CCBE1: variants seen among roughly 807,000 people sequenced by gnomAD.
CCBE1 encodes collagen and calcium-binding EGF domain-containing protein 1.
Under a neutral mutation model 50.0 loss-of-function variants are expected in CCBE1, and 37 were observed. The observed-to-expected ratio is 0.74, with a 90% CI of 0.57 to 0.97. The LOEUF (loss-of-function observed/expected upper bound fraction) is 0.97, where lower values mean the gene tolerates loss of function less well. Among genes scored for constraint, CCBE1 ranks in the 50% least tolerant of loss-of-function variants. The probability of loss-of-function intolerance (pLI) is 0.00; values close to 1 mark genes in which losing one functional copy is unlikely to be tolerated. For synonymous variants in CCBE1, 234 were observed against 203.7 expected, an observed-to-expected ratio of 1.15 and a Z score of -1.27; for missense variants, 538 against 523.8, an observed-to-expected ratio of 1.03 and a Z score of -0.26.
chr18:59,498,548 AAGAG>A (rs2143829039), intron 2 of CCBE1, among the ~76,000 whole-genome samples: 1 of 152,344 alleles, frequency 6.6e-6, no homozygotes, highest in East Asian at 1.9e-4. Flanking sequence ...GGTAACCTTA[AAGAG>A]TTAGAGCTTG....
At chr18:59,477,902 A>C (rs652858) in intron 3 of CCBE1, among the ~76,000 whole-genome samples, 1 of 152,028 alleles carries the variant, frequency 6.6e-6, no homozygotes, top group African/African-American at 2.4e-5. Context: ...ATTTTTTGTG[A>C]CACCTTGGCT....
At chr18:59,693,904 GCT>G (rs1198489837) in intron 2 of CCBE1, among the ~76,000 whole-genome samples, 1 of 96,666 alleles carries the variant, frequency 1.0e-5, no homozygotes, top group Non-Finnish European at 1.8e-5. Flanking sequence ...ACAGAGTCTT[GCT>G]CTGTCACCAG....
intron 4 of CCBE1, among the ~76,000 whole-genome samples, chr18:59,468,862 G>A (rs1233220427): frequency 1.7e-5 from 2 of 117,964 alleles, no homozygotes; most frequent in African/African-American, 6.0e-5. Context: ...CCCCAAACGA[G>A]GACCCCAGAT....
At chr18:59,579,301 A>G (rs2053048948) in intron 2 of CCBE1, among the ~76,000 whole-genome samples, 1 of 152,114 alleles carries the variant, frequency 6.6e-6, no homozygotes, top group Non-Finnish European at 1.5e-5. Context: ...ACAGTTCCAT[A>G]TATGTGCAGA....
At chr18:59,466,046 T>A (rs1911724606) in intron 5 of CCBE1, among the ~76,000 whole-genome samples, 1 of 152,176 alleles carries the variant, frequency 6.6e-6, no homozygotes, top group African/African-American at 2.4e-5. Flanking sequence ...TGCCCCTTCC[T>A]GCCCACTTGC....
chr18:59,448,426 A>G (rs1341233014), intron 6 of CCBE1, among the ~76,000 whole-genome samples: 1 of 152,076 alleles, frequency 6.6e-6, no homozygotes, highest in Non-Finnish European at 1.5e-5. Context: ...TCAATGACCT[A>G]TTTTATGTCT....
intron 2 of CCBE1, among the ~76,000 whole-genome samples, chr18:59,650,020 G>A (rs116275109): frequency 0.027 from 4,110 of 152,076 alleles, 153 homozygotes; most frequent in African/African-American, 0.089. Context: ...GGGAGCACAG[G>A]TGAGCCATCT....
chr18:59,568,389 CT>C (rs1248298133), intron 2 of CCBE1: 1 of 152,172 alleles, frequency 6.6e-6, no homozygotes, highest in Non-Finnish European at 1.5e-5. Context: ...GGTATTACTT[CT>C]CCCCAAGACT....
chr18:59,574,975 C>G (rs1488705243), intron 2 of CCBE1, among the ~76,000 whole-genome samples: 3 of 152,062 alleles, frequency 2.0e-5, no homozygotes, highest in African/African-American at 7.2e-5. Context: ...CTAATCCAAT[C>G]CATATAAAAA....
intron 2 of CCBE1, among the ~76,000 whole-genome samples, chr18:59,573,295 A>ATATATATATATATATATATATATATATT (rs2052944415): frequency 8.3e-6 from 1 of 120,360 alleles, no homozygotes; most frequent in Non-Finnish European, 1.6e-5. Context: ...ATATATATAT[A>ATATATATATATATATATATATATATATT]TATATATGTA....
chr18:59,463,385 A>G (rs1401518961), intron 5 of CCBE1, among the ~76,000 whole-genome samples: 1 of 152,070 alleles, frequency 6.6e-6, no homozygotes, highest in Non-Finnish European at 1.5e-5. Flanking sequence ...GTGCCACCAC[A>G]CCCAGCTAAC....
At chr18:59,612,372 T>C (rs911154825) in intron 2 of CCBE1, among the ~76,000 whole-genome samples, 1 of 148,750 alleles carries the variant, frequency 6.7e-6, no homozygotes, top group East Asian at 2.0e-4. Context: ...GGCAGTGTTG[T>C]GGTGGCAGCT....
chr18:59,631,334 A>G (rs1184816227), intron 2 of CCBE1, among the ~76,000 whole-genome samples: 2 of 152,226 alleles, frequency 1.3e-5, no homozygotes, highest in Non-Finnish European at 2.9e-5. Context: ...AAGCCAGCCT[A>G]TCCCTAGAAT....
intron 2 of CCBE1, among the ~76,000 whole-genome samples, chr18:59,528,641 G>A (rs1490636261): frequency 1.3e-5 from 2 of 152,158 alleles, no homozygotes; most frequent in Non-Finnish European, 2.9e-5. Flanking sequence ...ACCTTTGGAT[G>A]GGGTTCTTGT....
intron 7 of CCBE1, among the ~76,000 whole-genome samples, chr18:59,444,211 G>A (rs1910572673): frequency 7.1e-6 from 1 of 140,994 alleles, no homozygotes; most frequent in Admixed American, 6.9e-5. Flanking sequence ...ATTGTGAAAA[G>A]TGCTGCTATG....
intron 1 of CCBE1, among the ~76,000 whole-genome samples, chr18:59,696,964 C>CG (rs1358375367): frequency 1.3e-5 from 2 of 152,150 alleles, no homozygotes; most frequent in African/African-American, 4.8e-5. Flanking sequence ...GTGTGGCACC[C>CG]GGGGGGAGGC....
chr18:59,685,593 G>A lies in CCBE1; in HGVS notation c.212+11036C>T, dbSNP rs530396313. 2.6e-5 allele frequency among the ~76,000 whole-genome samples: 4 copies of A among 152,348 alleles called. No individual in the cohort carries two copies. The South Asian group carries it at 8.3e-4, about 32-fold the overall frequency. ...TCAGCATACTGGAATCACATGAGGA[G>A]CTTTAGAAATTCCTGGTGCCTGGCA... On this transcript the variant is annotated intron_variant, in intron 2 of 10. Transcript: ENST00000439986.
Position 59,435,276 on chromosome 18 carries a change from ATTCTT to A in CCBE1, c.*627_*631del, listed in dbSNP as rs1355255397. 6.4e-6 allele frequency: 1 copy of A among 155,206 alleles called. No homozygotes were observed. The highest frequency in any genetic ancestry group is 1.4e-5 in the Non-Finnish European group (1 of 69,952). 9.6% of individuals were successfully genotyped at this position (155,206 alleles called of 1,614,324 possible). A position where few individuals can be genotyped will look rare whatever the true frequency, so the allele number is the denominator to read the frequency against. On this transcript the variant is annotated 3_prime_UTR_variant, in exon 11 of 11. Transcript: ENST00000439986. ...ATATAACAGTAAATATATGACTGTG[ATTCTT>A]TTCTATCTTCTCTAAACGCCATTCA...
At chr18:59,460,423 A>G (rs546294032) in intron 5 of CCBE1, among the ~76,000 whole-genome samples, 1 of 152,358 alleles carries the variant, frequency 6.6e-6, no homozygotes, top group South Asian at 2.1e-4. Flanking sequence ...AAATGACCAT[A>G]ACGAAATATT....
Sources: allele counts gnomAD v4.1 joint callset (sites outside exome capture counted in the v4.1 genomes callset), GRCh38; gene constraint gnomAD v4.1.1; transcripts MANE v1.5; gene names NCBI Gene and HGNC (gene_info 2026-07-23, HGNC 2026-07-21).